ITGA2B: variants seen among roughly 807,000 people sequenced by gnomAD.
ITGA2B encodes integrin subunit alpha 2b, also known as integrin alpha-IIb.
A neutral mutation model predicts 142.0 loss-of-function variants in ITGA2B; 91 were observed. The observed-to-expected ratio is 0.64, with a 90% CI of 0.54 to 0.76. ITGA2B has a LOEUF of 0.76. Ranked by LOEUF, ITGA2B falls within the 30% of genes least tolerant of loss-of-function variation. The probability of loss-of-function intolerance (pLI) is 0.00; values close to 1 mark genes in which losing one functional copy is unlikely to be tolerated. For synonymous variants in ITGA2B, 536 were observed against 567.2 expected (o/e 0.94, Z 0.78); for missense variants, 1,231 against 1,350.8 (o/e 0.91, Z 1.39).
At chr17:44,387,855 GAAGAAGAAGAAAAAAAGAA>G in intron 1 of ITGA2B, among the ~76,000 whole-genome samples, 1 of 94,958 alleles carries the variant, frequency 1.1e-5, no homozygotes, top group Non-Finnish European at 2.1e-5. Context: ...AAAAAAAAAA[GAAGAAGAAGAAAAAAAGAA>G]TTGTCAGAGT....
rs74857210 is a variant in ITGA2B at position 44,380,283 on chromosome 17, A to G, written c.1563T>C (p.Cys521=). 6.2e-7 allele frequency: 1 copy of G among 1,614,206 alleles called. No homozygotes were observed. Among genetic ancestry groups the G allele is most frequent in the Non-Finnish European group, 8.5e-7 (1 of 1,180,036 alleles). ...GAATGTTGTGCCCAGTGGCTCCAACACACATCTGGATGTTGAAGCTGCAAA... is the reference window on the plus strand; with the variant it reads ...GAATGTTGTGCCCAGTGGCTCCAACGCACATCTGGATGTTGAAGCTGCAAA... ...TPVSCFNIQM[C]VGATGHNIPQ... is the part of the protein sequence containing the mutation. The change falls in exon 16 of 30, where the codon TGT becomes TGC. Residue 521 remains cysteine, a synonymous_variant. Coordinates refer to ENST00000262407, the MANE Select transcript of ITGA2B (RefSeq NM_000419.5).
rs748977341 is a variant in ITGA2B at position 44,380,106 on chromosome 17, G to T, written c.1648C>A (p.Arg550=). The change falls in exon 17 of 30, where the codon CGG becomes AGG. Residue 550 remains arginine, a synonymous_variant. Transcript: ENST00000262407. ...TGAGAGCCCAGCAGCAGCACCCGCC[G>T]GCCCTGGCGGGGCTTCTGCCGGTCC... The part of the protein sequence containing the change: ...QLDRQKPRQG[R]RVLLLGSQQA... 28 of 1,613,768 alleles carry T rather than the reference G, an allele frequency of 1.7e-5. No individual in the cohort carries two copies. Among genetic ancestry groups the T allele is most frequent in the Non-Finnish European group, 2.3e-5 (27 of 1,179,984 alleles).
intron 13 of ITGA2B, 28 bp downstream of exon 13, chr17:44,380,851 A>C: frequency 6.2e-7 from 1 of 1,613,854 alleles, no homozygotes; most frequent in Non-Finnish European, 8.5e-7. Flanking sequence ...TTTCTTGGGC[A>C]TTTCTAGCTG....
In ITGA2B at chr17:44,375,072, G is replaced by C. The variant is rs1285360146; in HGVS notation, c.2767C>G (p.Leu923Val). The change falls in exon 27 of 30, where the codon CTG becomes GTG. Residue 923 changes from leucine to valine, a missense_variant. This residue lies in a region of ITGA2B where 908 missense variants were observed against 1,021.1 expected (regional missense o/e 0.89). Transcript: ENST00000262407. ...SAPCTVVQCDLQEMARGQRAM... is the reference protein window; with the variant it reads ...SAPCTVVQCDVQEMARGQRAM... ...CGCTGCCCGCGCGCCATCTCCTGCA[G>C]GTCACACTGCACCACAGTACAGGGC... 10 of 1,548,758 alleles carry C rather than the reference G, an allele frequency of 6.5e-6. No homozygotes were observed. The highest frequency in any genetic ancestry group is 5.9e-5 in the South Asian group (5 of 84,050).
chr17:44,379,628 C>T, intron 18 of ITGA2B, 61 bp downstream of exon 18: 1 of 1,612,918 alleles, frequency 6.2e-7, no homozygotes, highest in Non-Finnish European at 8.5e-7. Flanking sequence ...GGCACTAACC[C>T]TAATCCTGAT....
chr17:44,378,990 G>T (rs552358273), intron 18 of ITGA2B, among the ~76,000 whole-genome samples: 2 of 152,300 alleles, frequency 1.3e-5, no homozygotes, highest in East Asian at 1.9e-4. Context: ...CTGTCGTCCA[G>T]GCTGGAGTGC....
At chr17:44,375,339 A>G in intron 26 of ITGA2B, 3 of 633,254 alleles carry the variant, frequency 4.7e-6, no homozygotes, top group Non-Finnish European at 8.4e-6. Flanking sequence ...CAATGCTCAG[A>G]TCTATGATAA....
At chr17:44,373,996 C>CA in intron 29 of ITGA2B, 1 of 248,530 alleles carries the variant, frequency 4.0e-6, no homozygotes, top group Non-Finnish European at 8.1e-6. Context: ...ACCTCCGCCT[C>CA]CTGGGTTCAT....
chr17:44,377,898 G>GGGT, intron 20 of ITGA2B, 108 bp from the exon 21 acceptor site: 3 of 339,574 alleles, frequency 8.8e-6, no homozygotes, highest in South Asian at 4.3e-5. Flanking sequence ...GGAGGGGGGG[G>GGGT]TTTCTTGGGG....
rs5910 is a variant in ITGA2B at position 44,372,421 on chromosome 17, G to A, written c.3063C>T (p.Val1021=). Residue 1021 remains valine (V), a splice_region_variant and synonymous_variant, in exon 30 of 30, where the codon GTC becomes GTT. Transcript: ENST00000262407. The stretch of plus-strand genomic sequence containing the variant: ...GTGGCCGGTTCCGCTTGAAGAAGCC[G>A]ACCTGGGGGTACACGGGGGCCAAGG... The part of the protein sequence containing the change: ...LTILVLAMWK[V]GFFKRNRPPL... 610,003 of 1,611,870 alleles carry A rather than the reference G, an allele frequency of 0.38. 115,978 individuals carry two copies. The highest frequency in any genetic ancestry group is 0.42 in the East Asian group (18,796 of 44,814).
chr17:44,375,916 G>A lies in ITGA2B; in HGVS notation c.2518C>T (p.Pro840Ser). The change falls in exon 25 of 30, where the codon CCC becomes TCC. Residue 840 changes from proline (P) to serine (S), a missense_variant. Around this residue, in one of 3 missense-constraint regions of ITGA2B, gnomAD observed 908 missense variants for 1,021.1 expected, o/e 0.89. Coordinates refer to ENST00000262407, the MANE Select transcript of ITGA2B (RefSeq NM_000419.5). ...LSIHLPGQSQ[P>S]SDLLYILDIQ... The stretch of plus-strand genomic sequence containing the variant: ...TCCAGGATGTAGAGCAGGTCGGAGG[G>A]CTGGGACTGTCCCGGAAGGTGGATG... The A allele has an allele frequency of 6.2e-7, 1 of 1,613,456 alleles. No individual in the cohort carries two copies.
At chr17:44,375,510 C>A (rs1414722660) in intron 26 of ITGA2B, 81 bp downstream of exon 26, 1 of 1,559,840 alleles carries the variant, frequency 6.4e-7, no homozygotes, top group Non-Finnish European at 8.7e-7. Flanking sequence ...CACAGCACAC[C>A]CGGACCCCTC....
In ITGA2B at chr17:44,380,982, C is replaced by A; in HGVS notation, c.1290G>T (p.Leu430=). 5 of 1,613,670 alleles carry A rather than the reference C, an allele frequency of 3.1e-6. No individual in the cohort carries two copies. Among genetic ancestry groups the A allele is most frequent in the Non-Finnish European group, 4.2e-6 (5 of 1,179,700 alleles). Residue 430 remains leucine, a synonymous_variant, in exon 13 of 30, where the codon CTG becomes CTT. Transcript: ENST00000262407. ...VLVFLGQSEG[L]RSRPSQVLDS... Reference sequence around the variant, plus strand: ...CCAGGACCTGGGAGGGACGTGACCTCAGCCCCTCACTCTGACCCAGGAACA... The same window carrying A: ...CCAGGACCTGGGAGGGACGTGACCTAAGCCCCTCACTCTGACCCAGGAACA...
intron 1 of ITGA2B, among the ~76,000 whole-genome samples, chr17:44,387,985 A>G (rs1191914939): frequency 6.6e-6 from 1 of 152,070 alleles, no homozygotes; most frequent in Non-Finnish European, 1.5e-5. Context: ...GATGTGGGCC[A>G]TCTTGGGAGG....
intron 22 of ITGA2B, 111 bp downstream of exon 22, chr17:44,376,898 C>G: frequency 3.7e-6 from 3 of 821,880 alleles, no homozygotes; most frequent in Non-Finnish European, 4.0e-6. Context: ...CAGGTGTGAG[C>G]CACTGCGCCT....
intron 29 of ITGA2B, 87 bp downstream of exon 29, chr17:44,374,267 G>T: frequency 8.6e-7 from 1 of 1,161,704 alleles, no homozygotes; most frequent in Non-Finnish European, 1.3e-6. Context: ...CACTTGGGTG[G>T]GCCACCATCT....
chr17:44,381,032 G>T lies in ITGA2B; in HGVS notation c.1240C>A (p.Pro414Thr). 1 of 1,613,396 alleles carries T rather than the reference G, an allele frequency of 6.2e-7. No homozygotes were observed. Among genetic ancestry groups the T allele is most frequent in the Non-Finnish European group, 8.5e-7 (1 of 1,179,632 alleles). The change falls in exon 13 of 30, where the codon CCC becomes ACC. Residue 414 changes from proline to threonine, a missense_variant. By Grantham distance (38) the Pro-to-Thr change is conservative. Coordinates refer to ENST00000262407, the MANE Select transcript of ITGA2B (RefSeq NM_000419.5). ...ACCAGCACTTGGCCCCGGCCACTGG[G>T]ACCCCCGTAGGGGGCAGCCACTGCA... is the stretch of plus-strand genomic sequence containing the variant. ...DIAVAAPYGG[P>T]SGRGQVLVFL...
chr17:44,384,222 G>T, intron 9 of ITGA2B, 84 bp from the exon 10 acceptor site: 1 of 1,584,846 alleles, frequency 6.3e-7, no homozygotes, highest in Non-Finnish European at 8.6e-7. Context: ...GTTTGGTGGA[G>T]GCGGGGCGGG....
chr17:44,374,949 T>C (rs2048526580), intron 27 of ITGA2B, 49 bp downstream of exon 27: 3 of 1,453,684 alleles, frequency 2.1e-6, no homozygotes, highest in African/African-American at 2.8e-5. Context: ...CAGAGCAAAG[T>C]GGTCCCCGCC....
Sources: gnomAD v4.1 joint callset for allele counts (sites outside exome capture counted in the v4.1 genomes callset) on GRCh38, gnomAD v4.1.1 for gene constraint, gnomAD v4.1.1 regional missense constraint, MANE v1.5 for transcripts, NCBI Gene and HGNC (gene_info 2026-07-23, HGNC 2026-07-21) for gene names.